Variants in CLCC1 observed in about 807,000 individuals in gnomAD.
The protein encoded by CLCC1 is chloride channel CLIC-like protein 1.
CLCC1 carries 39 observed loss-of-function variants against 63.3 expected under a neutral mutation model. The observed-to-expected ratio is 0.62, with a 90% CI of 0.48 to 0.81. The LOEUF (loss-of-function observed/expected upper bound fraction) is 0.81, where lower values mean the gene tolerates loss of function less well. Among genes scored for constraint, CLCC1 ranks in the 30% least tolerant of loss-of-function variants. The pLI, the probability that CLCC1 is intolerant of heterozygous loss-of-function variation, is 0.00. For synonymous variants in CLCC1, 217 were observed against 239.8 expected (o/e 0.90, Z 0.88); for missense variants, 549 against 669.4 (o/e 0.82, Z 1.98).
At chr1:108,960,757 T>C (rs1394161265) in intron 2 of CLCC1, among the ~76,000 whole-genome samples, 3 of 152,156 alleles carry the variant, frequency 2.0e-5, no homozygotes, top group Middle Eastern at 3.4e-3. Flanking sequence ...GTGAGGAGGT[T>C]AGGATGGGGG....
chr1:108,935,071 T>G, intron 11 of CLCC1, 129 bp from the exon 12 acceptor site: 2 of 838,648 alleles, frequency 2.4e-6, no homozygotes, highest in Non-Finnish European at 3.6e-6. Flanking sequence ...CAGGGTCCAG[T>G]GCTGGGTTAT....
intron 3 of CLCC1, 112 bp from the exon 4 acceptor site, chr1:108,950,033 T>C (rs1436767729): frequency 1.4e-5 from 10 of 721,528 alleles, no homozygotes; most frequent in East Asian, 2.9e-5. Context: ...CTGCATGTTA[T>C]ATTCTTAAAT....
intron 2 of CLCC1, among the ~76,000 whole-genome samples, chr1:108,956,990 C>T (rs1487665589): frequency 1.3e-5 from 2 of 150,286 alleles, no homozygotes; most frequent in African/African-American, 2.5e-5. Context: ...TAAATAGGGG[C>T]GTGATAGAAT....
chr1:108,962,001 C>T (rs1279217278), intron 2 of CLCC1, among the ~76,000 whole-genome samples: 4 of 152,188 alleles, frequency 2.6e-5, no homozygotes, highest in Non-Finnish European at 4.4e-5. Flanking sequence ...TTGCCTAAGA[C>T]CACCAAGCTA....
In CLCC1 at chr1:108,943,931, T is replaced by C. The variant is rs77959993; in HGVS notation, c.466A>G (p.Ser156Gly). Residue 156 changes from serine to glycine, a missense_variant, in exon 6 of 13, where the codon AGT becomes GGT. By Grantham distance (56) the Ser-to-Gly change is moderately conservative. Transcript: ENST00000369969. ...WKPGALDDAL[S>G]DILINFKFHD... ...AACTTAAAATTAATTAAAATATCAC[T>C]TAGTGCATCATCCAAGGCACCTGGT... The C allele has an allele frequency of 9.4e-4, 1,514 of 1,612,924 alleles. 16 individuals are homozygous for C. In the African/African-American group the frequency reaches 0.018, roughly 19 times the overall value.
Position 108,930,021 on chromosome 1 carries a change from A to C in CLCC1, c.*2526T>G. On this transcript the variant is annotated 3_prime_UTR_variant, in exon 13 of 13. Transcript: ENST00000369969. ...TTTTTTCCTTAAAAGGAGAATTTAT[A>C]GCACTGTAATACAGCTTAAAATATT... The C allele has an allele frequency of 8.0e-7, 1 of 1,247,270 alleles. No individual in the cohort carries two copies. The highest frequency in any genetic ancestry group is 1.2e-5 in the South Asian group (1 of 80,188). The allele number at this position is 1,247,270 out of a possible 1,614,324, so 77.3% of individuals were successfully genotyped here. A position where few individuals can be genotyped will look rare whatever the true frequency, so the allele number is the denominator to read the frequency against.
At chr1:108,939,900 C>T (rs1200031075) in intron 9 of CLCC1, 118 bp from the exon 10 acceptor site, 6 of 1,320,758 alleles carry the variant, frequency 4.5e-6, no homozygotes, top group Non-Finnish European at 6.2e-6. Flanking sequence ...TGCTGTTGTG[C>T]CATTTTTAAT....
intron 1 of CLCC1, 112 bp downstream of exon 1, chr1:108,963,249 G>C: frequency 1.6e-6 from 1 of 608,508 alleles, no homozygotes; most frequent in Non-Finnish European, 3.0e-6. Context: ...GCCCCGGGTC[G>C]CGCCTGCGGC....
At chr1:108,942,720 T>C (rs113375779) in intron 7 of CLCC1, among the ~76,000 whole-genome samples, 5 of 152,344 alleles carry the variant, frequency 3.3e-5, no homozygotes, top group East Asian at 1.9e-4. Context: ...GATAAAATTA[T>C]AGGTTATTTT....
rs367778381 is a variant in CLCC1, at chr1:108,940,015, T to C, written c.894+30A>G. 746 of 1,515,596 alleles carry C rather than the reference T, an allele frequency of 4.9e-4. 1 individual carries two copies. The highest frequency in any genetic ancestry group is 6.4e-4 in the Non-Finnish European group (709 of 1,104,242). The allele number at this position is 1,515,596 out of a possible 1,614,324, so 93.9% of individuals were successfully genotyped here. A position where few individuals can be genotyped will look rare whatever the true frequency, so the allele number is the denominator to read the frequency against. On this transcript the variant is annotated intron_variant, in intron 9 of 12. Coordinates refer to ENST00000369969, the MANE Select transcript of CLCC1 (RefSeq NM_001377458.1). ...AATACAAGGGATTTCTGACTGACTT[T>C]AAGTAATTTTTACAAAATATATGCT... is the stretch of plus-strand genomic sequence containing the variant.
In CLCC1 at chr1:108,963,469, C is replaced by T. The variant is rs542670915; in HGVS notation, c.-281G>A. The stretch of plus-strand genomic sequence containing the variant: ...GGGTTTCAGCGTGCTTCCTGGGCCT[C>T]GTCATCGAATTGTTCGGCTGACGGC... On this transcript the variant is annotated 5_prime_UTR_variant, in exon 1 of 13. Coordinates refer to ENST00000369969, the MANE Select transcript of CLCC1 (RefSeq NM_001377458.1). 6 of 701,946 alleles carry T rather than the reference C, an allele frequency of 8.5e-6. No homozygotes were observed. Among genetic ancestry groups the T allele is most frequent in the Non-Finnish European group, 1.6e-5 (6 of 384,576 alleles). 43.5% of individuals were successfully genotyped at this position (701,946 alleles called of 1,614,324 possible). A position where few individuals can be genotyped will look rare whatever the true frequency, so the allele number is the denominator to read the frequency against.
At chr1:108,960,771 C>T (rs933277723) in intron 2 of CLCC1, among the ~76,000 whole-genome samples, 2 of 151,744 alleles carry the variant, frequency 1.3e-5, no homozygotes, top group African/African-American at 4.8e-5. Flanking sequence ...ATGGGGGAAA[C>T]GGAGATTTGG....
At chr1:108,953,365 G>A (rs570041691) in intron 2 of CLCC1, among the ~76,000 whole-genome samples, 5 of 152,284 alleles carry the variant, frequency 3.3e-5, no homozygotes, top group East Asian at 1.9e-4. Flanking sequence ...AGAATCACCC[G>A]AGGAGCTTCT....
At chr1:108,932,797 G>A (rs1652232222) in intron 12 of CLCC1, 1 of 152,186 alleles carries the variant, frequency 6.6e-6, no homozygotes, top group Non-Finnish European at 1.5e-5. Context: ...TGTTAAACAT[G>A]TCCTCTGTGT....
In CLCC1 at chr1:108,929,596, A is replaced by G. The variant is rs1557884029; in HGVS notation, c.*2951T>C. On this transcript the variant is annotated 3_prime_UTR_variant, in exon 13 of 13. Transcript: ENST00000369969. ...AAGATTAATTTCTGAGAAGCCCCAA[A>G]TAAAAGTTTACAACTGCGTTTTCTT... 12 of 993,136 alleles carry G rather than the reference A, an allele frequency of 1.2e-5. No individual in the cohort carries two copies. Among genetic ancestry groups the G allele is most frequent in the Non-Finnish European group, 1.6e-5 (10 of 628,836 alleles). The allele number at this position is 993,136 out of a possible 1,614,324, so 61.5% of individuals were successfully genotyped here.
At position 108,941,418 on chromosome 1, in the gene CLCC1, A is replaced by C. The variant is rs2101645024; in HGVS notation, c.783T>G (p.Thr261=). Residue 261 remains threonine (T), a synonymous_variant, in exon 8 of 13, where the codon ACT becomes ACG. Transcript: ENST00000369969. ...NNVCAKKMDW[T]GSIWEWFRSS... ...CAAACACCTTACCCCAGATACTTCCAGTCCAGTCCATCTTTTTGGCACACA... is the reference window on the plus strand; with the variant it reads ...CAAACACCTTACCCCAGATACTTCCCGTCCAGTCCATCTTTTTGGCACACA... 6.2e-7 allele frequency: 1 copy of C among 1,613,960 alleles called. No individual in the cohort carries two copies. Among genetic ancestry groups the C allele is most frequent in the East Asian group, 2.2e-5 (1 of 44,874 alleles).
rs1651911895 is a variant in CLCC1, at chr1:108,931,312, G to C, written c.*1235C>G. ...ATTAAGCTTTGTCTTCCTTATCCCA[G>C]ATATTGAAGGCAGTTTACAAGGGGA... On this transcript the variant is annotated 3_prime_UTR_variant, in exon 13 of 13. Transcript: ENST00000369969. 6.5e-7 allele frequency: 1 copy of C among 1,544,084 alleles called. No individual in the cohort carries two copies.
intron 5 of CLCC1, 72 bp from the exon 6 acceptor site, chr1:108,944,129 C>G: frequency 9.0e-7 from 1 of 1,108,852 alleles, no homozygotes; most frequent in South Asian, 1.6e-5. Flanking sequence ...CATTTTAAGA[C>G]AAAAGCCAAT....
chr1:108,946,882 GGC>G (rs1487081666), intron 5 of CLCC1, among the ~76,000 whole-genome samples: 2 of 152,046 alleles, frequency 1.3e-5, no homozygotes, highest in Non-Finnish European at 2.9e-5. Context: ...TAGAAATTTT[GGC>G]CAGGTGCGGT....
Sources: gnomAD v4.1 joint callset for allele counts (sites outside exome capture counted in the v4.1 genomes callset) on GRCh38, gnomAD v4.1.1 for gene constraint, MANE v1.5 for transcripts, NCBI Gene and HGNC (gene_info 2026-07-23, HGNC 2026-07-21) for gene names.